CFAP46: variants seen among roughly 807,000 people sequenced by gnomAD.
CFAP46 encodes cilia and flagella associated protein 46.
Under a neutral mutation model 325.7 loss-of-function variants are expected in CFAP46, and 245 were observed. The observed-to-expected ratio is 0.75, with a 90% CI of 0.68 to 0.84. The LOEUF is 0.84. Among genes scored for constraint, CFAP46 ranks in the 40% least tolerant of loss-of-function variants. The probability of loss-of-function intolerance (pLI) is 0.00; values close to 1 mark genes in which losing one functional copy is unlikely to be tolerated. For synonymous variants in CFAP46, 1,523 were observed against 1,495.9 expected (o/e 1.02, Z -0.42); for missense variants, 3,346 against 3,543.0 (o/e 0.94, Z 1.41).
intron 38 of CFAP46, among the ~76,000 whole-genome samples, chr10:132,858,193 CG>C (rs1848670528): frequency 6.6e-6 from 1 of 151,244 alleles, no homozygotes; most frequent in Admixed American, 6.6e-5. Flanking sequence ...CTGGGCCCGC[CG>C]TGTCGAGACG....
At position 132,835,438 on chromosome 10, in the gene CFAP46, T is replaced by C. The variant is rs367930815; in HGVS notation, c.6614-4A>G. On this transcript the variant is annotated splice_region_variant and splice_polypyrimidine_tract_variant and intron_variant, in intron 46 of 57. Transcript: ENST00000368586. ...AGACGCATCACCTTGCAGGAGCCTG[T>C]GGGGACATGGACACACCCTCTGTCG... 1.2e-6 allele frequency: 2 copies of C among 1,613,298 alleles called. No individual in the cohort carries two copies. Among genetic ancestry groups the C allele is most frequent in the Non-Finnish European group, 1.7e-6 (2 of 1,179,886 alleles).
intron 50 of CFAP46, among the ~76,000 whole-genome samples, chr10:132,822,384 CTGA>C (rs1309544406): frequency 5.7e-5 from 7 of 123,536 alleles, no homozygotes; most frequent in South Asian, 2.6e-4. Context: ...TGTGTGTGTG[CTGA>C]TGTGTGCTGA....
At position 132,828,423 on chromosome 10, in the gene CFAP46, T is replaced by C. The variant is rs1418825815; in HGVS notation, c.7117+4935A>G. Among the ~76,000 whole-genome samples the C allele has an allele frequency of 6.6e-6, 1 of 151,980 alleles. No individual in the cohort carries two copies. The highest frequency in any genetic ancestry group is 2.4e-5 in the African/African-American group (1 of 41,248). On this transcript the variant is annotated intron_variant, in intron 50 of 57. Transcript: ENST00000368586. This position sits in a 1 kb window ranked among gnomAD's most constrained non-coding sequence, Gnocchi z 4.9. ...GTGTGCAGGGGTATTCCATTGTGGTTTCCATTTGCATTTCCTTGATAATTA... is the reference window on the plus strand; with the variant it reads ...GTGTGCAGGGGTATTCCATTGTGGTCTCCATTTGCATTTCCTTGATAATTA...
At position 132,912,688 on chromosome 10, in the gene CFAP46, T is replaced by C. The variant is rs1363437036; in HGVS notation, c.2466A>G (p.Ala822=). Residue 822 remains alanine, a synonymous_variant, in exon 19 of 58, where the codon GCA becomes GCG. Transcript: ENST00000368586. ...CTGTTTTGATCTCGGAAGTGGCTCCTGCGTCCAGTGGGCTGTGAAACGCGT... is the reference window on the plus strand; with the variant it reads ...CTGTTTTGATCTCGGAAGTGGCTCCCGCGTCCAGTGGGCTGTGAAACGCGT... The part of the protein sequence containing the change: ...RPNAFHSPLD[A]GATSEIKTAV... 23 of 1,548,724 alleles carry C rather than the reference T, an allele frequency of 1.5e-5. No homozygotes were observed. Among genetic ancestry groups the C allele is most frequent in the Non-Finnish European group, 1.8e-5 (21 of 1,146,282 alleles).
At chr10:132,878,717 C>T (rs1019711100) in intron 29 of CFAP46, among the ~76,000 whole-genome samples, 3 of 152,120 alleles carry the variant, frequency 2.0e-5, no homozygotes, top group Admixed American at 6.5e-5. Context: ...ATTCTGAAGA[C>T]GGGATAGGGG....
chr10:132,857,905 T>G, intron 38 of CFAP46, 117 bp from the exon 39 acceptor site: 1 of 920,242 alleles, frequency 1.1e-6, no homozygotes, highest in East Asian at 2.6e-5. Context: ...TGTTTTAAAA[T>G]AGCTAACATG....
Position 132,879,463 on chromosome 10 carries a change from C to A in CFAP46, c.3968G>T (p.Cys1323Phe). The A allele has an allele frequency of 6.5e-7, 1 of 1,544,280 alleles. No individual in the cohort carries two copies. The highest frequency in any genetic ancestry group is 8.7e-7 in the Non-Finnish European group (1 of 1,144,148). ...CCTGAAGAAGGCGTAGGCTGCAAGGCAGCAGTCCTCGTAGCCCTCGGCGCC... is the reference window on the plus strand; with the variant it reads ...CCTGAAGAAGGCGTAGGCTGCAAGGAAGCAGTCCTCGTAGCCCTCGGCGCC... Reference protein sequence around the residue: ...SPGAEGYEDCCLAAYAFFRHI... With the variant: ...SPGAEGYEDCFLAAYAFFRHI... The change falls in exon 29 of 58, where the codon TGC (cysteine) becomes TTC (phenylalanine). Residue 1323 changes from cysteine (C) to phenylalanine (F), a missense_variant. By Grantham distance (205) the Cys-to-Phe change is radical. Transcript: ENST00000368586.
intron 50 of CFAP46, among the ~76,000 whole-genome samples, chr10:132,830,966 A>ATC (rs1848137682): frequency 6.6e-6 from 1 of 152,222 alleles, no homozygotes; most frequent in Non-Finnish European, 1.5e-5. Flanking sequence ...ACATAATGAT[A>ATC]AATTGTGCTT....
intron 19 of CFAP46, among the ~76,000 whole-genome samples, chr10:132,911,666 T>C (rs1022817593): frequency 1.3e-5 from 2 of 152,202 alleles, no homozygotes; most frequent in Non-Finnish European, 2.9e-5. Flanking sequence ...AGAACACTAT[T>C]TCTTTTCCCT....
intron 44 of CFAP46, among the ~76,000 whole-genome samples, chr10:132,842,964 C>T (rs1406422116): frequency 6.6e-6 from 1 of 152,230 alleles, no homozygotes; most frequent in Non-Finnish European, 1.5e-5. Context: ...AAGGCCCCAC[C>T]TCTCAATACT....
At chr10:132,815,027 A>AG in intron 50 of CFAP46, 113 bp from the exon 51 acceptor site, 1 of 974,628 alleles carries the variant, frequency 1.0e-6, no homozygotes, top group Non-Finnish European at 1.6e-6. Context: ...GAAAAAAAAA[A>AG]CAAGTTGTGA....
At chr10:132,936,566 C>T (rs573998542) in intron 7 of CFAP46, among the ~76,000 whole-genome samples, 1 of 145,836 alleles carries the variant, frequency 6.9e-6, no homozygotes, top group Non-Finnish European at 1.5e-5. Flanking sequence ...ACACTGTGAT[C>T]TCCTCACTCC....
At chr10:132,912,426 CA>C (rs1849559029) in intron 19 of CFAP46, among the ~76,000 whole-genome samples, 4 of 127,788 alleles carry the variant, frequency 3.1e-5, no homozygotes, top group African/African-American at 9.3e-5. Context: ...CTCTCTCTCT[CA>C]CCTCCCTCTC....
intron 35 of CFAP46, among the ~76,000 whole-genome samples, chr10:132,861,688 G>A (rs1848723052): frequency 6.6e-6 from 1 of 152,208 alleles, no homozygotes; most frequent in Non-Finnish European, 1.5e-5. Flanking sequence ...GGACGGGAGC[G>A]GTGGCGGGAA....
chr10:132,863,504 C>A (rs1321080444), intron 35 of CFAP46, among the ~76,000 whole-genome samples: 2 of 152,124 alleles, frequency 1.3e-5, no homozygotes, highest in Non-Finnish European at 2.9e-5. Context: ...CTATCAGAGA[C>A]CTGCACACAC....
chr10:132,912,566 C>A, intron 19 of CFAP46, 89 bp downstream of exon 19: 1 of 944,942 alleles, frequency 1.1e-6, no homozygotes, highest in South Asian at 1.6e-5. Context: ...CACCTCTCTC[C>A]TCTTTCACCT....
At chr10:132,906,475 G>C (rs948710353) in intron 22 of CFAP46, among the ~76,000 whole-genome samples, 1 of 150,972 alleles carries the variant, frequency 6.6e-6, no homozygotes, top group African/African-American at 2.4e-5. Context: ...CCCGTCCTGG[G>C]CACTGAGAAG....
At chr10:132,838,471 C>T (rs1233084663) in intron 44 of CFAP46, among the ~76,000 whole-genome samples, 2 of 152,284 alleles carry the variant, frequency 1.3e-5, no homozygotes, top group African/African-American at 2.4e-5. Context: ...CACTGGCCCT[C>T]GTCCCCACAA....
At chr10:132,906,526 C>A (rs1198688940) in intron 22 of CFAP46, among the ~76,000 whole-genome samples, 9 of 118,814 alleles carry the variant, frequency 7.6e-5, no homozygotes, top group South Asian at 3.1e-4. Flanking sequence ...ATCCTGGGCA[C>A]TGAGAAGAGT....
Sources: gnomAD v4.1 joint callset for allele counts (sites outside exome capture counted in the v4.1 genomes callset) on GRCh38, gnomAD v4.1.1 for gene constraint, Gnocchi (gnomAD v3.1) non-coding constraint, MANE v1.5 for transcripts, NCBI Gene and HGNC (gene_info 2026-07-23, HGNC 2026-07-21) for gene names.